SERGEF: variants seen among roughly 807,000 people sequenced by gnomAD.
SERGEF encodes secretion-regulating guanine nucleotide exchange factor.
SERGEF carries 51 observed loss-of-function variants against 50.0 expected under a neutral mutation model. The observed-to-expected ratio is 1.02, with a 90% confidence interval of 0.81 to 1.29. SERGEF has a LOEUF of 1.29. Ranked by LOEUF, SERGEF falls within the 50% of genes most tolerant of loss-of-function variation. SERGEF has a pLI of 0.00. For synonymous variants in SERGEF, 205 were observed against 212.4 expected (o/e 0.97, Z 0.30); for missense variants, 521 against 557.0 (o/e 0.94, Z 0.65).
chr11:17,962,332 C>T (rs1399026685), intron 8 of SERGEF, among the ~76,000 whole-genome samples: 1 of 151,772 alleles, frequency 6.6e-6, no homozygotes, highest in East Asian at 1.9e-4. Flanking sequence ...GATTTTATGT[C>T]ATCTGGAGTA....
At chr11:17,914,213 C>A (rs574773864) in intron 9 of SERGEF, among the ~76,000 whole-genome samples, 1 of 152,168 alleles carries the variant, frequency 6.6e-6, no homozygotes, top group South Asian at 2.1e-4. Flanking sequence ...CCAAATCTTA[C>A]GGATTTTCAA....
chr11:18,011,239 C>A (rs1269741501), intron 1 of SERGEF, among the ~76,000 whole-genome samples: 1 of 152,090 alleles, frequency 6.6e-6, no homozygotes, highest in Non-Finnish European at 1.5e-5. Context: ...GAAGCCCTAA[C>A]CTTTAGTACC....
At chr11:17,953,236 T>G (rs1852804140) in intron 9 of SERGEF, among the ~76,000 whole-genome samples, 1 of 152,208 alleles carries the variant, frequency 6.6e-6, no homozygotes, top group Non-Finnish European at 1.5e-5. Flanking sequence ...TTAGCCCTGC[T>G]ACTAACTCAC....
chr11:17,797,373 T>C (rs1291868063), intron 10 of SERGEF, among the ~76,000 whole-genome samples: 1 of 152,198 alleles, frequency 6.6e-6, no homozygotes, highest in Non-Finnish European at 1.5e-5. Flanking sequence ...CAAACAGTAC[T>C]TGCCTCAGGA....
intron 9 of SERGEF, among the ~76,000 whole-genome samples, chr11:17,940,410 C>G (rs757983278): frequency 9.9e-5 from 15 of 152,132 alleles, no homozygotes; most frequent in Non-Finnish European, 1.8e-4. Flanking sequence ...CCCCCACCAC[C>G]GCCCACCCAA....
At chr11:17,793,425 T>C (rs764626653) in intron 10 of SERGEF, among the ~76,000 whole-genome samples, 2 of 152,150 alleles carry the variant, frequency 1.3e-5, no homozygotes, top group African/African-American at 2.4e-5. Flanking sequence ...CATTTTAGAA[T>C]AGGTTTCATT....
chr11:17,994,499 AT>A (rs1169275687), intron 6 of SERGEF, among the ~76,000 whole-genome samples: 2 of 150,616 alleles, frequency 1.3e-5, no homozygotes, highest in South Asian at 2.1e-4. Flanking sequence ...AAAAAAAAAA[AT>A]TCTTAGAATT....
At chr11:17,974,040 G>C (rs1483348333) in intron 8 of SERGEF, among the ~76,000 whole-genome samples, 1 of 152,184 alleles carries the variant, frequency 6.6e-6, no homozygotes, top group Non-Finnish European at 1.5e-5. Flanking sequence ...CTAGTAGATG[G>C]TGTGACAAAT....
At chr11:17,957,452 A>G (rs1206775809) in intron 9 of SERGEF, among the ~76,000 whole-genome samples, 1 of 152,170 alleles carries the variant, frequency 6.6e-6, no homozygotes, top group Non-Finnish European at 1.5e-5. Flanking sequence ...TTCCTCCACT[A>G]CTATACTACC....
chr11:17,950,855 C>T (rs2133963954), intron 9 of SERGEF, among the ~76,000 whole-genome samples: 1 of 152,290 alleles, frequency 6.6e-6, no homozygotes, highest in African/African-American at 2.4e-5. Context: ...TCCAGGGTGA[C>T]CCTGGGCAAA....
chr11:17,996,397 A>G (rs1054089569), intron 5 of SERGEF, among the ~76,000 whole-genome samples: 1 of 152,208 alleles, frequency 6.6e-6, no homozygotes, highest in Non-Finnish European at 1.5e-5. Context: ...CCTAACACCT[A>G]ATGTAGTGCC....
At chr11:17,963,181 C>CAAAAAAAAAAA (rs1164488575) in intron 8 of SERGEF, among the ~76,000 whole-genome samples, 1 of 16,494 alleles carries the variant, frequency 6.1e-5, no homozygotes, top group Non-Finnish European at 1.2e-4. Context: ...GACTCTGTTT[C>CAAAAAAAAAAA]AAAAAAAAAA....
At chr11:17,827,610 G>A (rs140348119) in intron 10 of SERGEF, among the ~76,000 whole-genome samples, 7 of 152,226 alleles carry the variant, frequency 4.6e-5, no homozygotes, top group East Asian at 3.9e-4. Context: ...GAAATCCCTC[G>A]GCATCACCTC....
At position 17,803,736 on chromosome 11, in the gene SERGEF, TATTAG is replaced by T; in HGVS notation, c.1049-15328_1049-15324del. Among the ~76,000 whole-genome samples the T allele has an allele frequency of 2.0e-5, 3 of 152,280 alleles. No individual in the cohort carries two copies. The South Asian group carries it at 6.2e-4, about 32-fold the overall frequency. ...CGATCTGGTGTATCTTGAGGCCAGC[TATTAG>T]TGAATCTGGGAAAACCGTCCAATAC... On this transcript the variant is annotated intron_variant, in intron 10 of 10. Coordinates refer to ENST00000265965, the MANE Select transcript of SERGEF (RefSeq NM_012139.4).
intron 9 of SERGEF, among the ~76,000 whole-genome samples, chr11:17,955,945 G>A (rs1369116072): frequency 2.0e-5 from 3 of 152,166 alleles, no homozygotes; most frequent in African/African-American, 7.2e-5. Flanking sequence ...AGCTGCTGGG[G>A]TATACATGTG....
rs113563210 is a variant in SERGEF at position 17,824,892 on chromosome 11, A to C, written c.1049-36479T>G. On this transcript the variant is annotated intron_variant, in intron 10 of 10. Coordinates refer to ENST00000265965, the MANE Select transcript of SERGEF (RefSeq NM_012139.4). ...TACGAATTTTGGGGAGAAACAATTC[A>C]GTCCATAACAGTGAGAGAAAATGCT... Among the ~76,000 whole-genome samples, 913 of 152,364 alleles carry C rather than the reference A, an allele frequency of 6.0e-3. 13 individuals carry two copies. Among genetic ancestry groups the C allele is most frequent in the African/African-American group, 0.021 (869 of 41,592 alleles).
chr11:18,001,406 C>T (rs571229258), intron 4 of SERGEF, among the ~76,000 whole-genome samples: 21 of 152,304 alleles, frequency 1.4e-4, no homozygotes, highest in South Asian at 2.1e-4. Flanking sequence ...TCCTGCTTAG[C>T]ATCTCTCCCT....
At chr11:17,863,918 G>A (rs1377211188) in intron 10 of SERGEF, among the ~76,000 whole-genome samples, 1 of 152,246 alleles carries the variant, frequency 6.6e-6, no homozygotes, top group Non-Finnish European at 1.5e-5. Context: ...TTGTGGACAT[G>A]AAGACAGACT....
At chr11:17,826,381 T>C (rs764120149) in intron 10 of SERGEF, among the ~76,000 whole-genome samples, 1 of 152,246 alleles carries the variant, frequency 6.6e-6, no homozygotes, top group Non-Finnish European at 1.5e-5. Context: ...GCAACTGGTA[T>C]AGACTTTTAA....
Sources: gnomAD v4.1 joint callset for allele counts (sites outside exome capture counted in the v4.1 genomes callset) on GRCh38, gnomAD v4.1.1 for gene constraint, MANE v1.5 for transcripts, NCBI Gene and HGNC (gene_info 2026-07-23, HGNC 2026-07-21) for gene names.